The following RORA variants were observed in gnomAD, a reference collection of about 807,000 sequenced individuals.
RORA encodes the protein RAR related orphan receptor A.
In RORA, 7 loss-of-function variants were observed where a neutral mutation model predicts 69.5. The ratio of observed to expected loss-of-function variants is 0.10; its 90% CI spans 0.06 to 0.19. The LOEUF (loss-of-function observed/expected upper bound fraction) is 0.19. RORA is among the 10% of genes least tolerant of loss of function. The pLI is 1.00. For synonymous variants in RORA, 261 were observed against 240.8 expected, an observed-to-expected ratio of 1.08 and a Z score of -0.78; for missense variants, 457 against 663.0, an observed-to-expected ratio of 0.69 and a Z score of 3.41.
intron 1 of RORA, among the ~76,000 whole-genome samples, chr15:60,943,940 A>AAAAAAAAAAAAAAAAAAT: frequency 7.0e-6 from 1 of 142,484 alleles, no homozygotes; most frequent in South Asian, 2.3e-4. Context: ...AAAAAAAAAA[A>AAAAAAAAAAAAAAAAAAT]GTGAGTAATG....
At chr15:61,037,801 G>T (rs1012431531) in intron 1 of RORA, among the ~76,000 whole-genome samples, 1 of 152,154 alleles carries the variant, frequency 6.6e-6, no homozygotes, top group African/African-American at 2.4e-5. Flanking sequence ...TGCTATAATA[G>T]AAGATGGAAG....
intron 1 of RORA, among the ~76,000 whole-genome samples, chr15:60,951,822 C>T (rs1173492991): frequency 1.3e-5 from 2 of 151,936 alleles, no homozygotes; most frequent in Non-Finnish European, 2.9e-5. Context: ...AAAAAGAGTC[C>T]AGGACCAGAT....
intron 1 of RORA, among the ~76,000 whole-genome samples, chr15:60,916,004 T>C (rs1460767862): frequency 2.0e-5 from 3 of 152,228 alleles, no homozygotes; most frequent in African/African-American, 7.2e-5. Flanking sequence ...GGGTGTTTCT[T>C]TCCCTGATTA....
chr15:60,573,127 C>G lies in RORA; in HGVS notation c.197-41276G>C, dbSNP rs548936022. Reference sequence around the variant, plus strand: ...AACAGGGCTACAGGGTTTCTAGTATCAAAGACACAATCCTCCGTCCTTTCA... The same window carrying G: ...AACAGGGCTACAGGGTTTCTAGTATGAAAGACACAATCCTCCGTCCTTTCA... On this transcript the variant is annotated intron_variant, in intron 2 of 10. Transcript: ENST00000335670. 2.4e-4 allele frequency among the ~76,000 whole-genome samples: 36 copies of G among 152,294 alleles called. 1 individual carries two copies. The highest frequency in any genetic ancestry group is 4.1e-4 in the South Asian group (2 of 4,828).
intron 4 of RORA, among the ~76,000 whole-genome samples, chr15:60,514,127 C>G (rs2065788662): frequency 6.6e-6 from 1 of 152,200 alleles, no homozygotes; most frequent in East Asian, 1.9e-4. Flanking sequence ...TTCACACATT[C>G]TGTATGTACA....
At chr15:61,055,028 G>A (rs1251123369) in intron 1 of RORA, among the ~76,000 whole-genome samples, 1 of 151,930 alleles carries the variant, frequency 6.6e-6, no homozygotes, top group African/African-American at 2.4e-5. Context: ...GTAGAGACAG[G>A]GTTTCACTAT....
intron 1 of RORA, among the ~76,000 whole-genome samples, chr15:60,796,681 G>A (rs76103780): frequency 0.039 from 6,003 of 151,998 alleles, 192 homozygotes; most frequent in Admixed American, 0.1. Flanking sequence ...TTCACTCCTA[G>A]GTATATACCC....
At chr15:60,605,831 A>T (rs1345250231) in intron 2 of RORA, among the ~76,000 whole-genome samples, 1 of 152,250 alleles carries the variant, frequency 6.6e-6, no homozygotes, top group Non-Finnish European at 1.5e-5. Context: ...AAACATATAA[A>T]TCGTCATTAG....
At chr15:60,898,237 T>A (rs1891285500) in intron 1 of RORA, among the ~76,000 whole-genome samples, 1 of 152,174 alleles carries the variant, frequency 6.6e-6, no homozygotes, top group Admixed American at 6.5e-5. Flanking sequence ...TTCTGATGAC[T>A]CCAAAGAATG....
chr15:61,150,331 G>A lies in RORA; in HGVS notation c.166+78722C>T, dbSNP rs570931495. The stretch of plus-strand genomic sequence containing the variant: ...ATCAATTGCCATTCTTTAAAATACA[G>A]TGTACAGTTTAAAAATAAGCACTGT... On this transcript the variant is annotated intron_variant, in intron 1 of 10. Coordinates refer to ENST00000335670, the MANE Select transcript of RORA (RefSeq NM_134261.3). 2.0e-5 allele frequency among the ~76,000 whole-genome samples: 3 copies of A among 152,288 alleles called. No individual in the cohort carries two copies. The South Asian group carries it at 6.2e-4, about 32-fold the overall frequency.
chr15:61,193,239 A>G (rs2079817551), intron 1 of RORA, among the ~76,000 whole-genome samples: 1 of 152,164 alleles, frequency 6.6e-6, no homozygotes, highest in Admixed American at 6.5e-5. Flanking sequence ...TAAATTCTAT[A>G]CTTTCATAAA....
intron 1 of RORA, among the ~76,000 whole-genome samples, chr15:61,051,822 A>G (rs1381543448): frequency 6.6e-6 from 1 of 152,204 alleles, no homozygotes; most frequent in African/African-American, 2.4e-5. Context: ...CTCAGGGGAC[A>G]TGAGTGTCTT....
intron 1 of RORA, among the ~76,000 whole-genome samples, chr15:61,002,975 CAAAAA>C (rs59966691): frequency 6.0e-5 from 7 of 117,004 alleles, no homozygotes; most frequent in African/African-American, 1.6e-4. Context: ...ACTAAAAATA[CAAAAA>C]AAAAAAAAAA....
intron 1 of RORA, among the ~76,000 whole-genome samples, chr15:60,947,354 T>C (rs1892924323): frequency 6.6e-6 from 1 of 151,996 alleles, no homozygotes; most frequent in African/African-American, 2.4e-5. Context: ...CTGGGAAAAA[T>C]TCTTCTGCCT....
intron 1 of RORA, among the ~76,000 whole-genome samples, chr15:60,780,062 G>T (rs544752641): frequency 1.3e-5 from 2 of 152,302 alleles, no homozygotes; most frequent in East Asian, 3.8e-4. Flanking sequence ...ACATGTGTCT[G>T]TTAGGTGGGG....
At chr15:61,218,709 C>CACACA (rs1555421375) in intron 1 of RORA, among the ~76,000 whole-genome samples, 1 of 151,158 alleles carries the variant, frequency 6.6e-6, no homozygotes, top group Non-Finnish European at 1.5e-5. Context: ...CACACACACA[C>CACACA]AATTTCCTTC....
intron 1 of RORA, among the ~76,000 whole-genome samples, chr15:60,991,996 A>G (rs934621743): frequency 5.3e-5 from 8 of 152,204 alleles, no homozygotes; most frequent in Non-Finnish European, 2.9e-5. Context: ...AAATAAGAAC[A>G]TTATGGTAAA....
At chr15:61,065,974 G>C (rs2078251685) in intron 1 of RORA, among the ~76,000 whole-genome samples, 1 of 152,210 alleles carries the variant, frequency 6.6e-6, no homozygotes, top group African/African-American at 2.4e-5. Flanking sequence ...AAATATCTCA[G>C]TGGAAAGCCA....
At chr15:61,206,517 C>T (rs888321060) in intron 1 of RORA, among the ~76,000 whole-genome samples, 1 of 152,158 alleles carries the variant, frequency 6.6e-6, no homozygotes, top group Non-Finnish European at 1.5e-5. Flanking sequence ...CATAAATCAT[C>T]CTAGCAATAA....
Sources: gnomAD v4.1 joint callset for allele counts (sites outside exome capture counted in the v4.1 genomes callset) on GRCh38, gnomAD v4.1.1 for gene constraint, MANE v1.5 for transcripts, NCBI Gene and HGNC (gene_info 2026-07-23, HGNC 2026-07-21) for gene names.